Variants in ATP13A3 observed in about 807,000 individuals in gnomAD.
ATP13A3 encodes polyamine-transporting ATPase 13A3.
ATP13A3 carries 59 observed loss-of-function variants against 158.1 expected under a neutral mutation model. The ratio of observed to expected loss-of-function variants is 0.37; its 90% CI spans 0.30 to 0.46. The LOEUF is 0.46. Ranked by LOEUF, ATP13A3 falls within the 20% of genes least tolerant of loss-of-function variation. The pLI is 1.00. For synonymous variants in ATP13A3, 491 were observed against 504.3 expected, an observed-to-expected ratio of 0.97 and a Z score of 0.35; for missense variants, 1,166 against 1,525.2, an observed-to-expected ratio of 0.76 and a Z score of 3.92.
intron 7 of ATP13A3, 97 bp downstream of exon 7, chr3:194,456,997 C>T: frequency 2.7e-6 from 2 of 727,944 alleles, no homozygotes; most frequent in Non-Finnish European, 4.5e-6. Context: ...ATTTAAGTAT[C>T]TGTTAATATG....
chr3:194,414,118 A>T (rs1458993934), intron 31 of ATP13A3, among the ~76,000 whole-genome samples: 1 of 152,150 alleles, frequency 6.6e-6, no homozygotes, highest in Non-Finnish European at 1.5e-5. Flanking sequence ...GCTCTACTAG[A>T]TCATGAATGT....
chr3:194,459,725 C>T (rs1238652943), intron 5 of ATP13A3, 64 bp downstream of exon 5: 7 of 1,508,294 alleles, frequency 4.6e-6, no homozygotes, highest in Non-Finnish European at 6.3e-6. Context: ...ATAGAATATA[C>T]ATGATAGCAT....
intron 6 of ATP13A3, 148 bp from the exon 7 acceptor site, chr3:194,457,322 A>G (rs1719299816): frequency 1.7e-6 from 1 of 597,414 alleles, no homozygotes; most frequent in African/African-American, 1.9e-5. Flanking sequence ...ATAACAAATG[A>G]GAATTTTTAA....
chr3:194,417,954 C>CGGAA (rs1491273681), intron 31 of ATP13A3, among the ~76,000 whole-genome samples: 97 of 77,940 alleles, frequency 1.2e-3, no homozygotes, highest in African/African-American at 3.0e-3. Flanking sequence ...GACAGACGGA[C>CGGAA]GGACGGAAGG....
rs1714746499 is a variant in ATP13A3 at position 194,403,476 on chromosome 3, GTTAT to G, written c.*2439_*2442del. 6.6e-6 allele frequency: 1 copy of G among 152,104 alleles called. No homozygotes were observed. Among genetic ancestry groups the G allele is most frequent in the South Asian group, 2.1e-4 (1 of 4,826 alleles). The allele number at this position is 152,104 out of a possible 1,614,324, so 9.4% of individuals were successfully genotyped here. A position where few individuals can be genotyped will look rare whatever the true frequency, so the allele number is the denominator to read the frequency against. ...GAGGGAGACACACATTAAAAATCTT[GTTAT>G]TTATTTAAAAAGTTAAAAAGTTACA... On this transcript the variant is annotated 3_prime_UTR_variant, in exon 34 of 34. Coordinates refer to ENST00000645319, the MANE Select transcript of ATP13A3 (RefSeq NM_001367549.1).
chr3:194,440,693 G>A (rs541230790), intron 16 of ATP13A3, among the ~76,000 whole-genome samples: 4 of 152,278 alleles, frequency 2.6e-5, no homozygotes, highest in African/African-American at 9.6e-5. Context: ...ACCAGCCATG[G>A]GGTGGGGGCC....
At chr3:194,468,392 A>AAAAAAAAAAAC (rs1471726446) in intron 2 of ATP13A3, among the ~76,000 whole-genome samples, 21 of 149,678 alleles carry the variant, frequency 1.4e-4, no homozygotes, top group African/African-American at 4.1e-4. Flanking sequence ...AGTTTAAAAA[A>AAAAAAAAAAAC]AAAAAAAAAA....
At chr3:194,440,895 CAT>C (rs746384719) in intron 16 of ATP13A3, among the ~76,000 whole-genome samples, 12 of 152,270 alleles carry the variant, frequency 7.9e-5, no homozygotes, top group African/African-American at 2.4e-4. Context: ...CAAACAAAAA[CAT>C]GTGCATGTAT....
chr3:194,404,078 A>C lies in ATP13A3; in HGVS notation c.*1841T>G. On this transcript the variant is annotated 3_prime_UTR_variant, in exon 34 of 34. Transcript: ENST00000645319. ...AATGCACAATTGTGGAAATCACTGA[A>C]GAATAACACGAGCATATTTGAAATT... is the stretch of plus-strand genomic sequence containing the variant. 2.2e-6 allele frequency: 1 copy of C among 450,704 alleles called. No individual in the cohort carries two copies. The highest frequency in any genetic ancestry group is 1.6e-5 in the South Asian group (1 of 63,360). The allele number at this position is 450,704 out of a possible 1,614,324, so 27.9% of individuals were successfully genotyped here. A position where few individuals can be genotyped will look rare whatever the true frequency, so the allele number is the denominator to read the frequency against.
chr3:194,433,239 T>C (rs1279849293), intron 21 of ATP13A3, among the ~76,000 whole-genome samples: 1 of 142,896 alleles, frequency 7.0e-6, no homozygotes, highest in African/African-American at 2.6e-5. Flanking sequence ...ATTCTTTTTT[T>C]TTTTTTTTTT....
At chr3:194,407,673 A>T (rs1267576004) in intron 33 of ATP13A3, among the ~76,000 whole-genome samples, 1 of 152,228 alleles carries the variant, frequency 6.6e-6, no homozygotes, top group Non-Finnish European at 1.5e-5. Flanking sequence ...AAGGTGGACA[A>T]AAGTAAGCTA....
At chr3:194,487,595 C>T (rs1721062817), upstream of ATP13A3, 1 of 152,320 alleles carries the variant, frequency 6.6e-6, no homozygotes, top group Non-Finnish European at 1.5e-5. Context: ...TCGCCTCCGA[C>T]GGGAAGGCGC....
At chr3:194,432,982 T>C (rs957195529) in intron 21 of ATP13A3, among the ~76,000 whole-genome samples, 1 of 152,028 alleles carries the variant, frequency 6.6e-6, no homozygotes, top group African/African-American at 2.4e-5. Context: ...ATAAACAATA[T>C]CTTACATATA....
intron 2 of ATP13A3, among the ~76,000 whole-genome samples, chr3:194,482,046 T>C (rs1457106733): frequency 6.6e-6 from 1 of 152,212 alleles, no homozygotes. Flanking sequence ...GAGAATCATT[T>C]TATGGAAACT....
At chr3:194,429,031 C>G in intron 27 of ATP13A3, 114 bp from the exon 28 acceptor site, 1 of 573,918 alleles carries the variant, frequency 1.7e-6, no homozygotes, top group Non-Finnish European at 3.0e-6. Flanking sequence ...AAATGACACT[C>G]GGACCTGCTT....
chr3:194,406,126 T>A lies in ATP13A3; in HGVS notation c.3574-10A>T. On this transcript the variant is annotated splice_polypyrimidine_tract_variant and intron_variant, in intron 33 of 33. Transcript: ENST00000645319. ...ACCGATCCACTGACTCCTAAGAAAA[T>A]AAGAAAAAAACAAAACAAAACACCC... 1 of 1,611,814 alleles carries A rather than the reference T, an allele frequency of 6.2e-7. No homozygotes were observed. Among genetic ancestry groups the A allele is most frequent in the African/African-American group, 1.3e-5 (1 of 74,598 alleles).
intron 2 of ATP13A3, among the ~76,000 whole-genome samples, chr3:194,482,217 T>C (rs1191509363): frequency 6.6e-6 from 1 of 152,232 alleles, no homozygotes; most frequent in Admixed American, 6.5e-5. Context: ...CATTTACTCA[T>C]GTCATCTCAT....
chr3:194,414,429 C>T (rs958062947), intron 31 of ATP13A3, among the ~76,000 whole-genome samples: 3 of 149,352 alleles, frequency 2.0e-5, no homozygotes, highest in Non-Finnish European at 4.4e-5. Flanking sequence ...TGCCACTGTA[C>T]TCCAGCGTGG....
At chr3:194,476,579 C>G (rs1355001064) in intron 2 of ATP13A3, among the ~76,000 whole-genome samples, 2 of 152,156 alleles carry the variant, frequency 1.3e-5, no homozygotes, top group Non-Finnish European at 2.9e-5. Flanking sequence ...CTTCTCAAAT[C>G]CACCTCACCA....
Sources: gnomAD v4.1 joint callset for allele counts (sites outside exome capture counted in the v4.1 genomes callset) on GRCh38, gnomAD v4.1.1 for gene constraint, MANE v1.5 for transcripts, NCBI Gene and HGNC (gene_info 2026-07-23, HGNC 2026-07-21) for gene names.